Variants in CABLES1 observed in about 807,000 individuals in gnomAD.
CABLES1 encodes the protein CDK5 and ABL1 enzyme substrate 1.
Under a neutral mutation model 57.8 loss-of-function variants are expected in CABLES1, and 36 were observed. That is an observed-to-expected ratio of 0.62 (90% CI 0.48 to 0.82). CABLES1 has a LOEUF of 0.82. Ranked by LOEUF, CABLES1 falls within the 40% of genes least tolerant of loss-of-function variation. The pLI, the probability that CABLES1 is intolerant of heterozygous loss-of-function variation, is 0.00. For missense variants in CABLES1, 767 were observed against 836.6 expected, an observed-to-expected ratio of 0.92 and a Z score of 1.03; for synonymous variants, 374 against 363.0, an observed-to-expected ratio of 1.03 and a Z score of -0.35.
In CABLES1 at chr18:23,171,185, A is replaced by G. The variant is rs113376823; in HGVS notation, c.846-17653A>G. ...TGTAGATCCAGGCCACATCTCCTTC[A>G]TGGCCCTATCCTGGGTGGGAGTCCT... On this transcript the variant is annotated intron_variant, in intron 1 of 9. Coordinates refer to ENST00000256925, the MANE Select transcript of CABLES1 (RefSeq NM_001100619.3). Among the ~76,000 whole-genome samples, 87 of 152,306 alleles carry G rather than the reference A, an allele frequency of 5.7e-4. 2 individuals are homozygous for G. Among genetic ancestry groups the G allele is most frequent in the African/African-American group, 2.0e-3 (83 of 41,584 alleles).
chr18:23,138,621 C>T (rs543279921), intron 1 of CABLES1, among the ~76,000 whole-genome samples: 3 of 152,182 alleles, frequency 2.0e-5, no homozygotes, highest in African/African-American at 7.2e-5. Flanking sequence ...AACACCACGC[C>T]GCTTGTCTTA....
At chr18:23,241,211 G>A (rs547426945) in intron 7 of CABLES1, among the ~76,000 whole-genome samples, 2 of 152,130 alleles carry the variant, frequency 1.3e-5, no homozygotes, top group South Asian at 4.1e-4. Context: ...ATGTGTGTCA[G>A]TAGATTTTTT....
chr18:23,177,495 A>G (rs567583019), intron 1 of CABLES1, among the ~76,000 whole-genome samples: 9 of 151,540 alleles, frequency 5.9e-5, no homozygotes, highest in African/African-American at 1.2e-4. Context: ...CCGCCGGTCT[A>G]TGTGTGGTCA....
At chr18:23,185,979 T>TG (rs2047199644) in intron 1 of CABLES1, among the ~76,000 whole-genome samples, 1 of 152,202 alleles carries the variant, frequency 6.6e-6, no homozygotes, top group African/African-American at 2.4e-5. Flanking sequence ...CAAGGAGACA[T>TG]GGGGGCCACT....
chr18:23,161,752 T>TA (rs1437600007), intron 1 of CABLES1, among the ~76,000 whole-genome samples: 3,615 of 23,378 alleles, frequency 0.15, 456 homozygotes, highest in African/African-American at 0.24. Flanking sequence ...CTACTAAAAA[T>TA]CCAAAAAAAA....
intron 1 of CABLES1, among the ~76,000 whole-genome samples, chr18:23,174,686 A>G (rs1434214815): frequency 1.3e-5 from 2 of 151,426 alleles, no homozygotes; most frequent in Non-Finnish European, 2.9e-5. Flanking sequence ...GTTAGCCAGG[A>G]TGGTGTCGAT....
chr18:23,165,781 T>C (rs1019716850), intron 1 of CABLES1, among the ~76,000 whole-genome samples: 1 of 152,252 alleles, frequency 6.6e-6, no homozygotes, highest in Non-Finnish European at 1.5e-5. Context: ...GCTTCCACTT[T>C]TCAGCTCTTG....
rs1215274082 is a variant in CABLES1, at chr18:23,136,442, C to T, written c.680C>T (p.Ser227Phe). The part of the protein sequence containing the change: ...VQVPAAAFLG[S>F]GTPGSGSGSR... The stretch of plus-strand genomic sequence containing the variant: ...GTGCCGGCGGCCGCCTTTTTGGGCT[C>T]CGGGACCCCCGGGAGTGGGAGCGGC... Residue 227 changes from serine to phenylalanine, a missense_variant, in exon 1 of 10, where the codon TCC (serine) becomes TTC (phenylalanine). Ser to Phe is a radical substitution (Grantham distance 155). Around this residue, in one of 4 missense-constraint regions of CABLES1, gnomAD observed 529 missense variants for 622.8 expected, o/e 0.85. Coordinates refer to ENST00000256925, the MANE Select transcript of CABLES1 (RefSeq NM_001100619.3). 6.2e-7 allele frequency: 1 copy of T among 1,603,008 alleles called. No individual in the cohort carries two copies. Among genetic ancestry groups the T allele is most frequent in the East Asian group, 2.3e-5 (1 of 43,538 alleles).
chr18:23,163,967 A>C (rs1290208822), intron 1 of CABLES1, among the ~76,000 whole-genome samples: 1 of 152,164 alleles, frequency 6.6e-6, no homozygotes, highest in Non-Finnish European at 1.5e-5. Context: ...CTGATGGGCA[A>C]ACTGAGGCAC....
At chr18:23,234,771 G>T (rs1036568623) in intron 5 of CABLES1, 67 bp downstream of exon 5, 1 of 1,298,004 alleles carries the variant, frequency 7.7e-7, no homozygotes, top group Non-Finnish European at 1.1e-6. Context: ...GCAGAGGAGG[G>T]GGGCAGCCCA....
At chr18:23,153,607 A>C (rs2046946878) in intron 1 of CABLES1, among the ~76,000 whole-genome samples, 1 of 151,826 alleles carries the variant, frequency 6.6e-6, no homozygotes, top group African/African-American at 2.4e-5. Context: ...GGTGACACAT[A>C]CCTGTAATCC....
At chr18:23,197,281 A>C (rs2047291169) in intron 3 of CABLES1, 11 of 152,236 alleles carry the variant, frequency 7.2e-5, no homozygotes, top group Admixed American at 6.5e-4. Context: ...AGACAGCTCC[A>C]TGTTCACCCG....
intron 1 of CABLES1, among the ~76,000 whole-genome samples, chr18:23,172,959 A>G (rs2047093651): frequency 1.3e-5 from 2 of 152,212 alleles, no homozygotes; most frequent in Non-Finnish European, 2.9e-5. Flanking sequence ...TGAAAACTGG[A>G]TCAGGCTTTT....
chr18:23,254,681 C>G (rs1400991835), intron 9 of CABLES1, among the ~76,000 whole-genome samples: 1 of 152,152 alleles, frequency 6.6e-6, no homozygotes, highest in Non-Finnish European at 1.5e-5. Context: ...AGGTTCCTCT[C>G]CTTGCTCATG....
chr18:23,221,448 A>T (rs1598837706), intron 4 of CABLES1, among the ~76,000 whole-genome samples: 1 of 152,180 alleles, frequency 6.6e-6, no homozygotes, highest in East Asian at 1.9e-4. Context: ...CAGTGTCCTG[A>T]GTTGCAGACA....
intron 1 of CABLES1, among the ~76,000 whole-genome samples, chr18:23,167,130 T>C (rs1467883126): frequency 6.6e-6 from 1 of 152,230 alleles, no homozygotes; most frequent in Non-Finnish European, 1.5e-5. Context: ...CAGCGGAAAT[T>C]ATTTCCCCTA....
At position 23,259,754 on chromosome 18, in the gene CABLES1, G is replaced by A. The variant is rs962436241; in HGVS notation, c.*2387G>A. 3.3e-5 allele frequency: 5 copies of A among 152,260 alleles called. No individual in the cohort carries two copies. Among genetic ancestry groups the A allele is most frequent in the Admixed American group, 2.6e-4 (4 of 15,286 alleles). 9.4% of individuals were successfully genotyped at this position (152,260 alleles called of 1,614,324 possible). On this transcript the variant is annotated 3_prime_UTR_variant, in exon 10 of 10. Coordinates refer to ENST00000256925, the MANE Select transcript of CABLES1 (RefSeq NM_001100619.3). Reference sequence around the variant, plus strand: ...ACACGTCGCAGCCTTGGGCTTCGGCGAGGAGGAAGTCTGAGCCTGTGAAGC... The same window carrying A: ...ACACGTCGCAGCCTTGGGCTTCGGCAAGGAGGAAGTCTGAGCCTGTGAAGC...
intron 1 of CABLES1, among the ~76,000 whole-genome samples, chr18:23,176,337 G>C (rs1009797410): frequency 6.6e-6 from 1 of 152,050 alleles, no homozygotes; most frequent in Non-Finnish European, 1.5e-5. Context: ...TTCACAATAG[G>C]CTTGGCGCTC....
chr18:23,165,377 G>A (rs1371093370), intron 1 of CABLES1, among the ~76,000 whole-genome samples: 2 of 152,146 alleles, frequency 1.3e-5, no homozygotes, highest in African/African-American at 2.4e-5. Flanking sequence ...AGATTACAAG[G>A]TGTAAGCCAC....
Sources: allele counts gnomAD v4.1 joint callset (sites outside exome capture counted in the v4.1 genomes callset), GRCh38; gene constraint gnomAD v4.1.1; regional missense constraint gnomAD v4.1.1; transcripts MANE v1.5; gene names NCBI Gene and HGNC (gene_info 2026-07-23, HGNC 2026-07-21).